The following SYT14 variants were observed in gnomAD, a reference collection of about 807,000 sequenced individuals.
SYT14 encodes the protein synaptotagmin-14.
In SYT14, 32 loss-of-function variants were observed where a neutral mutation model predicts 74.2. The ratio of observed to expected loss-of-function variants is 0.43; its 90% CI spans 0.33 to 0.58. SYT14 has a LOEUF of 0.58. Among genes scored for constraint, SYT14 ranks in the 20% least tolerant of loss-of-function variants. The pLI, the probability that SYT14 is intolerant of heterozygous loss-of-function variation, is 0.05. For synonymous variants in SYT14, 298 were observed against 337.7 expected (o/e 0.88, Z 1.29); for missense variants, 791 against 981.8 (o/e 0.81, Z 2.60).
chr1:210,059,812 C>T lies in SYT14; in HGVS notation c.1313-34510C>T, dbSNP rs1409229514. Among the ~76,000 whole-genome samples the T allele has an allele frequency of 5.9e-5, 9 of 152,210 alleles. No individual in the cohort carries two copies. In the East Asian group the frequency reaches 1.5e-3, roughly 26 times the overall value. ...GAAATTTGGATTGTTACATTCACTT[C>T]ACCCTCTAATTTGCAAGACATGTTT... On this transcript the variant is annotated intron_variant, in intron 5 of 9. Coordinates refer to ENST00000637265, the Ensembl canonical transcript of SYT14.
intron 2 of SYT14, among the ~76,000 whole-genome samples, chr1:209,988,702 G>A (rs1389149031): frequency 6.6e-6 from 1 of 152,158 alleles, no homozygotes; most frequent in Non-Finnish European, 1.5e-5. Flanking sequence ...TGGCTCATAA[G>A]GTTTGAGATT....
At chr1:210,019,548 C>T (rs866000868) in intron 4 of SYT14, among the ~76,000 whole-genome samples, 1 of 152,152 alleles carries the variant, frequency 6.6e-6, no homozygotes, top group African/African-American at 2.4e-5. Context: ...ACATATTGGG[C>T]AAGCACTGCC....
intron 1 of SYT14, among the ~76,000 whole-genome samples, chr1:209,938,986 G>A (rs954918496): frequency 6.6e-6 from 1 of 152,146 alleles, no homozygotes; most frequent in Non-Finnish European, 1.5e-5. Flanking sequence ...ACCAGTCTAT[G>A]AAGTGTTATA....
At chr1:209,963,245 A>AAT (rs2079104567) in intron 2 of SYT14, among the ~76,000 whole-genome samples, 1 of 152,138 alleles carries the variant, frequency 6.6e-6, no homozygotes, top group Non-Finnish European at 1.5e-5. Context: ...AGAGAAGAGG[A>AAT]ATAGAGATGG....
At chr1:210,008,997 AC>A (rs2080039033) in intron 2 of SYT14, among the ~76,000 whole-genome samples, 1 of 152,152 alleles carries the variant, frequency 6.6e-6, no homozygotes, top group African/African-American at 2.4e-5. Context: ...CACATAAAAT[AC>A]CCTAACAATA....
chr1:210,026,176 T>C (rs1295847125), intron 5 of SYT14, among the ~76,000 whole-genome samples: 1 of 152,140 alleles, frequency 6.6e-6, no homozygotes, highest in Non-Finnish European at 1.5e-5. Context: ...ATTTATTAAA[T>C]CCTTTTGTTC....
Position 210,093,949 on chromosome 1 carries a change from C to T in SYT14, c.1313-373C>T, listed in dbSNP as rs981249821. Reference sequence around the variant, plus strand: ...TTTGTTTTTCCAACCATATTTGTATCGCTTTGACCCTAGGGTGGCCACAGA... The same window carrying T: ...TTTGTTTTTCCAACCATATTTGTATTGCTTTGACCCTAGGGTGGCCACAGA... On this transcript the variant is annotated intron_variant, in intron 5 of 9. Transcript: ENST00000637265. Among the ~76,000 whole-genome samples the T allele has an allele frequency of 3.4e-4, 51 of 152,228 alleles. 1 individual carries two copies. Among genetic ancestry groups the T allele is most frequent in the Admixed American group, 2.4e-3 (37 of 15,298 alleles).
exon 10 of SYT14, chr1:210,168,112 T>C (rs1455755916): frequency 6.5e-6 from 1 of 153,596 alleles, no homozygotes; most frequent in African/African-American, 2.4e-5. Context: ...CCTTGAATAG[T>C]GTGAAGTATC....
chr1:210,075,145 C>T (rs933473583), intron 5 of SYT14, among the ~76,000 whole-genome samples: 1 of 152,140 alleles, frequency 6.6e-6, no homozygotes, highest in Non-Finnish European at 1.5e-5. Context: ...AACTTGGCCT[C>T]GTCCAGCCAA....
chr1:209,938,413 C>T, intron 1 of SYT14, 136 bp downstream of exon 1: 1 of 788,242 alleles, frequency 1.3e-6, no homozygotes, highest in Admixed American at 3.5e-5. Context: ...GCGCGGGGGT[C>T]CTGGCCGCGT....
chr1:210,133,090 T>C (rs2082711157), intron 7 of SYT14, among the ~76,000 whole-genome samples: 1 of 152,148 alleles, frequency 6.6e-6, no homozygotes, highest in South Asian at 2.1e-4. Flanking sequence ...CTTCAAAAGG[T>C]GGTACCTTCT....
At chr1:210,061,439 G>T (rs576248150) in intron 5 of SYT14, among the ~76,000 whole-genome samples, 3 of 151,844 alleles carry the variant, frequency 2.0e-5, no homozygotes, top group Non-Finnish European at 4.4e-5. Flanking sequence ...AAACATTTAT[G>T]TTCTTAGTAG....
intron 2 of SYT14, among the ~76,000 whole-genome samples, chr1:209,989,644 A>G (rs1048712036): frequency 1.3e-5 from 2 of 152,206 alleles, no homozygotes; most frequent in Non-Finnish European, 2.9e-5. Context: ...TAACAGTGAT[A>G]AAAGATAATG....
chr1:209,996,088 A>G (rs1322424920), intron 2 of SYT14, among the ~76,000 whole-genome samples: 2 of 152,104 alleles, frequency 1.3e-5, no homozygotes, highest in African/African-American at 4.8e-5. Flanking sequence ...AAGAAAAAAT[A>G]CCAACCCAAA....
chr1:210,041,579 AAAG>A (rs1488633203), intron 5 of SYT14, among the ~76,000 whole-genome samples: 6 of 152,318 alleles, frequency 3.9e-5, no homozygotes, highest in Admixed American at 2.6e-4. Context: ...CTAAGTGAAA[AAAG>A]CAAAGTGTAG....
chr1:210,088,690 A>G (rs1450898841), intron 5 of SYT14, among the ~76,000 whole-genome samples: 1 of 152,006 alleles, frequency 6.6e-6, no homozygotes, highest in African/African-American at 2.4e-5. Context: ...TTGCATGGAC[A>G]TGGATGAAGC....
exon 3 of SYT14, chr1:210,013,741 G>C (rs2080131489): frequency 6.2e-7 from 1 of 1,612,636 alleles, no homozygotes; most frequent in Non-Finnish European, 8.5e-7. Flanking sequence ...AATGTTGGCG[G>C]GTTTCCAGAT....
intron 2 of SYT14, among the ~76,000 whole-genome samples, chr1:209,960,799 A>G (rs2079064618): frequency 6.6e-6 from 1 of 152,212 alleles, no homozygotes; most frequent in East Asian, 1.9e-4. Context: ...TGGGGCTACA[A>G]TAGATATCCT....
intron 3 of SYT14, among the ~76,000 whole-genome samples, chr1:210,014,144 G>C (rs916753489): frequency 9.9e-5 from 15 of 152,100 alleles, no homozygotes; most frequent in African/African-American, 3.1e-4. Flanking sequence ...GCTCTTTAGA[G>C]AGCTTTTTTT....
Sources: allele counts gnomAD v4.1 joint callset (sites outside exome capture counted in the v4.1 genomes callset), GRCh38; gene constraint gnomAD v4.1.1; transcripts MANE v1.5; gene names NCBI Gene and HGNC (gene_info 2026-07-23, HGNC 2026-07-21).